UBE3B: variants seen among roughly 807,000 people sequenced by gnomAD.
UBE3B encodes the protein ubiquitin-protein ligase E3B.
A neutral mutation model predicts 132.3 loss-of-function variants in UBE3B; 80 were observed. The ratio of observed to expected loss-of-function variants is 0.60; its 90% CI spans 0.50 to 0.73. UBE3B has a LOEUF of 0.73. Among genes scored for constraint, UBE3B ranks in the 30% least tolerant of loss-of-function variants. UBE3B has a pLI of 0.00. For synonymous variants in UBE3B, 487 were observed against 520.4 expected (o/e 0.94, Z 0.87); for missense variants, 1,196 against 1,362.5 (o/e 0.88, Z 1.92).
At chr12:109,520,027 T>A (rs1248057413) in intron 19 of UBE3B, 1 of 152,170 alleles carries the variant, frequency 6.6e-6, no homozygotes, top group Non-Finnish European at 1.5e-5. Context: ...GGCAGCCGAG[T>A]GGATGCTGTG....
chr12:109,480,212 G>T lies in UBE3B; in HGVS notation c.-127-1425G>T, dbSNP rs186087654. 1.7e-3 allele frequency among the ~76,000 whole-genome samples: 245 copies of T among 146,096 alleles called. 1 individual carries two copies. Among genetic ancestry groups the T allele is most frequent in the Middle Eastern group, 3.4e-3 (1 of 290 alleles). On this transcript the variant is annotated intron_variant, in intron 1 of 27. Transcript: ENST00000342494. The stretch of plus-strand genomic sequence containing the variant: ...GAGTTTTTTTTTTTTTTTAATCCTT[G>T]TGTCTATAAAAATAATACACCAGTT...
intron 24 of UBE3B, among the ~76,000 whole-genome samples, chr12:109,528,754 G>T (rs1452445964): frequency 6.6e-6 from 1 of 152,080 alleles, no homozygotes; most frequent in Admixed American, 6.6e-5. Flanking sequence ...GGAGACTGAG[G>T]CAGGAAAATC....
intron 10 of UBE3B, 94 bp from the exon 11 acceptor site, chr12:109,498,139 C>T: frequency 6.5e-7 from 1 of 1,547,898 alleles, no homozygotes; most frequent in Admixed American, 1.8e-5. Flanking sequence ...GCACATCCTC[C>T]ATAACCACGG....
intron 7 of UBE3B, 124 bp downstream of exon 7, chr12:109,488,792 A>G: frequency 2.5e-6 from 2 of 810,848 alleles, no homozygotes; most frequent in Non-Finnish European, 4.2e-6. Flanking sequence ...GACCATACAA[A>G]TGAGGATGCC....
At chr12:109,544,170 CAG>C in the UBE3B span, among the ~76,000 whole-genome samples, 1 of 152,206 alleles carries the variant, frequency 6.6e-6, no homozygotes, top group African/African-American at 2.4e-5. Flanking sequence ...TTCCCAGACA[CAG>C]AGTTCTCATT....
rs555202272 is a variant in UBE3B, at chr12:109,526,861, A to G, written c.2627+445A>G. ...ACTCCAGCCTGGGCGACAGAGTGAG[A>G]CTCCGTCTCAAAAAAAAAAAAAAAT... On this transcript the variant is annotated intron_variant, in intron 24 of 27. Transcript: ENST00000342494. 1.2e-4 allele frequency among the ~76,000 whole-genome samples: 16 copies of G among 128,506 alleles called. No individual in the cohort carries two copies. The East Asian group carries it at 3.3e-3, about 26-fold the overall frequency. 84.3% of individuals were successfully genotyped at this position (128,506 alleles called of 152,430 possible).
intron 1 of UBE3B, among the ~76,000 whole-genome samples, chr12:109,478,862 C>A (rs1874819951): frequency 6.6e-6 from 1 of 152,218 alleles, no homozygotes; most frequent in Non-Finnish European, 1.5e-5. Context: ...TCTGATACAC[C>A]GTCTGCCCAG....
At chr12:109,519,562 A>T (rs1881457227) in intron 19 of UBE3B, 1 of 152,248 alleles carries the variant, frequency 6.6e-6, no homozygotes, top group Non-Finnish European at 1.5e-5. Context: ...ATGCGTGTGA[A>T]GGCTGGGGAG....
chr12:109,479,704 C>G (rs1426171865), intron 1 of UBE3B, among the ~76,000 whole-genome samples: 1 of 152,130 alleles, frequency 6.6e-6, no homozygotes, highest in Non-Finnish European at 1.5e-5. Context: ...AAAGTGTAGG[C>G]TATTATATGA....
intron 9 of UBE3B, among the ~76,000 whole-genome samples, chr12:109,493,091 A>G (rs1467999067): frequency 1.3e-5 from 2 of 152,222 alleles, no homozygotes; most frequent in Admixed American, 6.5e-5. Flanking sequence ...TATCTAATAA[A>G]CAATTGTGCC....
At chr12:109,544,170 C>CAGAGT in the UBE3B span, among the ~76,000 whole-genome samples, 5 of 152,206 alleles carry the variant, frequency 3.3e-5, no homozygotes, top group Non-Finnish European at 7.3e-5. Context: ...TTCCCAGACA[C>CAGAGT]AGAGTTCTCA....
chr12:109,509,936 G>A (rs1880147761), intron 16 of UBE3B, among the ~76,000 whole-genome samples: 1 of 152,196 alleles, frequency 6.6e-6, no homozygotes. Context: ...TTCAGGATTT[G>A]CATGTATGTG....
chr12:109,479,216 A>G (rs185390871), intron 1 of UBE3B, among the ~76,000 whole-genome samples: 2 of 152,280 alleles, frequency 1.3e-5, no homozygotes, highest in Admixed American at 6.5e-5. Flanking sequence ...CTTTCTACCT[A>G]TATGATTCTT....
At chr12:109,507,542 G>A (rs1879843207) in intron 14 of UBE3B, 22 bp from the exon 15 acceptor site, 1 of 1,605,578 alleles carries the variant, frequency 6.2e-7, no homozygotes, top group South Asian at 1.1e-5. Context: ...CTGAAGCTTG[G>A]GTTTCTCTGT....
intron 2 of UBE3B, 140 bp downstream of exon 2, chr12:109,481,882 A>G (rs1029089613): frequency 3.3e-5 from 5 of 152,278 alleles, no homozygotes; most frequent in East Asian, 3.9e-4. Flanking sequence ...GAAACCCACA[A>G]TTACTTTTGT....
At chr12:109,512,402 G>T (rs905444657) in intron 18 of UBE3B, among the ~76,000 whole-genome samples, 1 of 152,074 alleles carries the variant, frequency 6.6e-6, no homozygotes, top group African/African-American at 2.4e-5. Context: ...GAGAGACTTG[G>T]GGAGGATTGG....
Position 109,522,041 on chromosome 12 carries a change from A to T in UBE3B, c.2364+490A>T, listed in dbSNP as rs1313730415. 1.3e-5 allele frequency among the ~76,000 whole-genome samples: 2 copies of T among 152,200 alleles called. No individual in the cohort carries two copies. Among genetic ancestry groups the T allele is most frequent in the Non-Finnish European group, 2.9e-5 (2 of 68,024 alleles). On this transcript the variant is annotated intron_variant, in intron 21 of 27. Transcript: ENST00000342494. The surrounding 1 kb of genome is among the most constrained non-coding windows in gnomAD (Gnocchi z 4.2). ...TGAGTGAGTGCTTCCCAGCCATGGC[A>T]ACAGGACAGGACCAGCTGTTCCTAG... is the stretch of plus-strand genomic sequence containing the variant.
intron 5 of UBE3B, 65 bp from the exon 6 acceptor site, chr12:109,486,406 A>C: frequency 7.5e-7 from 1 of 1,336,804 alleles, no homozygotes; most frequent in South Asian, 1.3e-5. Context: ...CAGTTCCAAC[A>C]GTTAGAGCAC....
In UBE3B at chr12:109,535,038, T is replaced by C; in HGVS notation, c.*256T>C. 2.7e-6 allele frequency: 1 copy of C among 365,074 alleles called. No individual in the cohort carries two copies. Among genetic ancestry groups the C allele is most frequent in the Non-Finnish European group, 4.9e-6 (1 of 205,012 alleles). The allele number at this position is 365,074 out of a possible 1,614,324, so 22.6% of individuals were successfully genotyped here. On this transcript the variant is annotated 3_prime_UTR_variant, in exon 28 of 28. Transcript: ENST00000342494. ...GATTCCACCAACACGGGTCCATTCT[T>C]CCTGGTGATGGCAGAGGGGCTTCTT...
Sources: gnomAD v4.1 joint callset for allele counts (sites outside exome capture counted in the v4.1 genomes callset) on GRCh38, gnomAD v4.1.1 for gene constraint, Gnocchi (gnomAD v3.1) non-coding constraint, MANE v1.5 for transcripts, NCBI Gene and HGNC (gene_info 2026-07-23, HGNC 2026-07-21) for gene names.